The following UHRF2 variants were observed in gnomAD, a reference collection of about 807,000 sequenced individuals.
The protein encoded by UHRF2 is E3 ubiquitin-protein ligase UHRF2.
In UHRF2, 23 loss-of-function variants were observed where a neutral mutation model predicts 96.8. The ratio of observed to expected loss-of-function variants is 0.24; its 90% CI spans 0.17 to 0.34. The LOEUF (loss-of-function observed/expected upper bound fraction) is 0.34. UHRF2 is among the 10% of genes least tolerant of loss of function. UHRF2 has a pLI of 1.00. For missense variants in UHRF2, 685 were observed against 981.5 expected, an observed-to-expected ratio of 0.70 and a Z score of 4.04; for synonymous variants, 385 against 332.6, an observed-to-expected ratio of 1.16 and a Z score of -1.72.
chr9:6,483,537 G>A (rs1824058833), intron 8 of UHRF2, among the ~76,000 whole-genome samples: 1 of 152,092 alleles, frequency 6.6e-6, no homozygotes, highest in Admixed American at 6.6e-5. Flanking sequence ...ACAGCCGTCT[G>A]TTTATTTTTC....
chr9:6,469,646 A>G (rs1405363096), intron 4 of UHRF2, among the ~76,000 whole-genome samples: 1 of 138,800 alleles, frequency 7.2e-6, no homozygotes, highest in African/African-American at 2.8e-5. Context: ...GACACATAGG[A>G]CTTGATGAAA....
At chr9:6,445,992 T>C (rs1370833688) in intron 3 of UHRF2, among the ~76,000 whole-genome samples, 1 of 140,936 alleles carries the variant, frequency 7.1e-6, no homozygotes, top group African/African-American at 2.6e-5. Flanking sequence ...TTTTTTTTTT[T>C]TTTTTTTTCC....
rs1485699265 is a variant in UHRF2, at chr9:6,460,383, TA to T, written c.645-189del. Among the ~76,000 whole-genome samples the T allele has an allele frequency of 2.0e-5, 3 of 152,172 alleles. No individual in the cohort carries two copies. In the East Asian group the frequency reaches 5.8e-4, roughly 29 times the overall value. ...AGACAGTTCATGCTGATATAGAAACTACCCTGTAGGTATCGCAGTACAGGTG... is the reference window on the plus strand; with the variant it reads ...AGACAGTTCATGCTGATATAGAAACTCCCTGTAGGTATCGCAGTACAGGTG... On this transcript the variant is annotated intron_variant, in intron 3 of 15. Transcript: ENST00000276893.
At chr9:6,477,353 C>T (rs1436440931) in intron 5 of UHRF2, among the ~76,000 whole-genome samples, 1 of 151,896 alleles carries the variant, frequency 6.6e-6, no homozygotes, top group Non-Finnish European at 1.5e-5. Context: ...GGAGAAACCC[C>T]ATCTCTACTA....
intron 2 of UHRF2, among the ~76,000 whole-genome samples, chr9:6,422,227 G>A (rs919342353): frequency 7.2e-5 from 11 of 152,086 alleles, no homozygotes; most frequent in Non-Finnish European, 1.3e-4. Flanking sequence ...GATTACAGGC[G>A]CGTACCACCA....
chr9:6,460,918 A>C, intron 4 of UHRF2, 127 bp downstream of exon 4: 1 of 670,368 alleles, frequency 1.5e-6, no homozygotes, highest in Middle Eastern at 4.4e-4. Flanking sequence ...TTCCATACTG[A>C]AGGAGAATAT....
At chr9:6,490,457 G>A (rs781413548) in intron 9 of UHRF2, among the ~76,000 whole-genome samples, 10 of 152,068 alleles carry the variant, frequency 6.6e-5, no homozygotes, top group African/African-American at 1.2e-4. Context: ...ATGAAACTCC[G>A]TCTCTACTAA....
At chr9:6,417,480 A>C (rs1467521888) in intron 1 of UHRF2, among the ~76,000 whole-genome samples, 2 of 152,162 alleles carry the variant, frequency 1.3e-5, no homozygotes, top group Non-Finnish European at 2.9e-5. Context: ...GATAACTTTC[A>C]ATCTTCACTT....
At chr9:6,430,815 A>G (rs893612966) in intron 2 of UHRF2, among the ~76,000 whole-genome samples, 2 of 152,100 alleles carry the variant, frequency 1.3e-5, no homozygotes, top group African/African-American at 2.4e-5. Flanking sequence ...CTCCTGACCA[A>G]ACCTAGTGCT....
intron 14 of UHRF2, among the ~76,000 whole-genome samples, chr9:6,504,183 G>A (rs1179804380): frequency 2.0e-5 from 3 of 151,638 alleles, no homozygotes; most frequent in Non-Finnish European, 4.4e-5. Context: ...ACGCCGCCAC[G>A]CCCAGATAAT....
At chr9:6,460,927 AT>A in intron 4 of UHRF2, 136 bp downstream of exon 4, 1 of 650,398 alleles carries the variant, frequency 1.5e-6, no homozygotes, top group Non-Finnish European at 2.4e-6. Context: ...GAAGGAGAAT[AT>A]TTTTATAAAT....
intron 3 of UHRF2, among the ~76,000 whole-genome samples, chr9:6,457,551 G>A (rs1414674605): frequency 3.3e-5 from 5 of 152,154 alleles, no homozygotes; most frequent in Admixed American, 3.3e-4. Context: ...CTGTTGAACA[G>A]GAATGGTGAG....
At chr9:6,491,952 T>G (rs1280852806) in intron 9 of UHRF2, among the ~76,000 whole-genome samples, 1 of 152,196 alleles carries the variant, frequency 6.6e-6, no homozygotes, top group Non-Finnish European at 1.5e-5. Flanking sequence ...AGGCTGGTCT[T>G]GAACTCCTGG....
At chr9:6,445,752 C>T (rs2130802263) in intron 3 of UHRF2, among the ~76,000 whole-genome samples, 1 of 152,144 alleles carries the variant, frequency 6.6e-6, no homozygotes, top group Middle Eastern at 3.4e-3. Context: ...TTTGTAGAGA[C>T]AGGGTCTCCC....
intron 1 of UHRF2, among the ~76,000 whole-genome samples, chr9:6,420,662 G>A (rs957361318): frequency 1.3e-5 from 2 of 150,864 alleles, no homozygotes; most frequent in South Asian, 2.1e-4. Context: ...AGCCAAGATC[G>A]TGCCACTGCC....
chr9:6,481,764 A>C lies in UHRF2; in HGVS notation c.1282A>C (p.Arg428=), dbSNP rs1450289934. 3.1e-6 allele frequency: 5 copies of C among 1,602,532 alleles called. No homozygotes were observed. The highest frequency in any genetic ancestry group is 4.2e-6 in the Non-Finnish European group (5 of 1,177,266). ...TACTGAAAGCCGAAGAGACTGGGGC[A>C]GGGTAAAGAAGAAATTCCCCTTTTC... ...ASTESRRDWG[R]GMACVGRTRE... The change falls in exon 7 of 16, where the codon AGG becomes CGG. Residue 428 remains arginine, a splice_region_variant and synonymous_variant. Transcript: ENST00000276893.
chr9:6,475,687 A>G (rs1823526806), intron 5 of UHRF2, among the ~76,000 whole-genome samples, 187 bp downstream of exon 5: 2 of 152,148 alleles, frequency 1.3e-5, no homozygotes, highest in Non-Finnish European at 2.9e-5. Context: ...ATTAAGTGTT[A>G]TTTTTGAAGA....
intron 2 of UHRF2, among the ~76,000 whole-genome samples, chr9:6,430,224 G>T (rs940172659): frequency 1.3e-5 from 2 of 152,128 alleles, no homozygotes; most frequent in African/African-American, 4.8e-5. Flanking sequence ...TTGCCGGGCT[G>T]GTCTTGAACT....
chr9:6,436,651 A>G (rs758345105), intron 3 of UHRF2, among the ~76,000 whole-genome samples: 1 of 152,214 alleles, frequency 6.6e-6, no homozygotes, highest in Non-Finnish European at 1.5e-5. Context: ...TAAATTTTAC[A>G]GTTTTAGGGG....
Sources: gnomAD v4.1 joint callset for allele counts (sites outside exome capture counted in the v4.1 genomes callset) on GRCh38, gnomAD v4.1.1 for gene constraint, MANE v1.5 for transcripts, NCBI Gene and HGNC (gene_info 2026-07-23, HGNC 2026-07-21) for gene names.